The following EXOSC5 variants were observed in gnomAD, a reference collection of about 807,000 sequenced individuals.
EXOSC5 encodes exosome component 5.
EXOSC5 carries 15 observed loss-of-function variants against 23.7 expected under a neutral mutation model. The ratio of observed to expected loss-of-function variants is 0.63; its 90% CI spans 0.42 to 0.97. The LOEUF is 0.97. Among genes scored for constraint, EXOSC5 ranks in the 50% least tolerant of loss-of-function variants. EXOSC5 has a pLI of 0.00. For synonymous variants in EXOSC5, 143 were observed against 140.9 expected (o/e 1.02, Z -0.11); for missense variants, 305 against 316.3 (o/e 0.96, Z 0.27).
intron 5 of EXOSC5, 21 bp downstream of exon 5, chr19:41,387,493 C>A: frequency 6.4e-7 from 1 of 1,566,452 alleles, no homozygotes. Flanking sequence ...CTGGCTTTTC[C>A]CCTCATCCCC....
chr19:41,389,780 T>C lies in EXOSC5; in HGVS notation c.510A>G (p.Thr170=), dbSNP rs753440340. The C allele has an allele frequency of 6.2e-7, 1 of 1,613,612 alleles. No homozygotes were observed. The highest frequency in any genetic ancestry group is 1.6e-4 in the Middle Eastern group (1 of 6,062). ...TCACACCTACCTTTTCTTGCTTGGATGTAGGATCCAGCACGAGGGTCCCAT... is the reference window on the plus strand; with the variant it reads ...TCACACCTACCTTTTCTTGCTTGGACGTAGGATCCAGCACGAGGGTCCCAT... The part of the protein sequence containing the change: ...DSDGTLVLDP[T]SKQEKEARAV... The change falls in exon 4 of 6, where the codon ACA becomes ACG. Residue 170 remains threonine (T), a synonymous_variant. Coordinates refer to ENST00000221233, the MANE Select transcript of EXOSC5 (RefSeq NM_020158.4).
At chr19:41,391,507 A>G in intron 3 of EXOSC5, 1 of 252,694 alleles carries the variant, frequency 4.0e-6, no homozygotes, top group South Asian at 1.4e-4. Context: ...TCTGGGCCTC[A>G]GTTTTGTCAC....
chr19:41,396,847 G>GA (rs1379865543), intron 1 of EXOSC5, among the ~76,000 whole-genome samples: 1 of 147,152 alleles, frequency 6.8e-6, no homozygotes, highest in Non-Finnish European at 1.5e-5. Flanking sequence ...TGTGTGGGGG[G>GA]TGGGGGTGGG....
rs1241453118 is a variant in EXOSC5 at position 41,392,912 on chromosome 19, T to C, written c.217A>G (p.Lys73Glu). 6 of 1,613,704 alleles carry C rather than the reference T, an allele frequency of 3.7e-6. No homozygotes were observed. Among genetic ancestry groups the C allele is most frequent in the Non-Finnish European group, 5.1e-6 (6 of 1,179,996 alleles). Reference protein sequence around the residue: ...EVKVSKEIFNKATLEVILRPK... With the variant: ...EVKVSKEIFNEATLEVILRPK... ...CTCAGGATCACTTCGAGTGTGGCCTTGTTGAAAATCTCTTTGCTGACCTTC... is the reference window on the plus strand; with the variant it reads ...CTCAGGATCACTTCGAGTGTGGCCTCGTTGAAAATCTCTTTGCTGACCTTC... The change falls in exon 2 of 6, where the codon AAG becomes GAG. Residue 73 changes from lysine (K) to glutamate (E), a missense_variant. Coordinates refer to ENST00000221233, the MANE Select transcript of EXOSC5 (RefSeq NM_020158.4).
At chr19:41,396,540 T>G (rs1031645316) in intron 1 of EXOSC5, among the ~76,000 whole-genome samples, 1 of 152,028 alleles carries the variant, frequency 6.6e-6, no homozygotes, top group African/African-American at 2.4e-5. Flanking sequence ...AGAAATATTC[T>G]TGGAGTTAAT....
chr19:41,387,784 C>T (rs979248922), intron 4 of EXOSC5, among the ~76,000 whole-genome samples, 181 bp from the exon 5 acceptor site: 2 of 135,208 alleles, frequency 1.5e-5, no homozygotes, highest in Admixed American at 1.5e-4. Context: ...GAGGGAGACC[C>T]CATCTCAGAA....
At chr19:41,391,533 A>G (rs2123223191) in intron 3 of EXOSC5, 1 of 308,120 alleles carries the variant, frequency 3.2e-6, no homozygotes, top group South Asian at 1.1e-4. Flanking sequence ...ACATGCGAAC[A>G]TAAGAACACT....
chr19:41,397,106 G>C (rs2123230454), intron 1 of EXOSC5, 75 bp downstream of exon 1: 1 of 1,506,894 alleles, frequency 6.6e-7, no homozygotes, highest in Non-Finnish European at 9.0e-7. Context: ...AGCTGGTATC[G>C]TGAGGAGGTG....
intron 4 of EXOSC5, among the ~76,000 whole-genome samples, chr19:41,388,376 C>T (rs892259036): frequency 1.3e-5 from 2 of 152,230 alleles, no homozygotes; most frequent in Non-Finnish European, 2.9e-5. Flanking sequence ...GGAAGAAAAG[C>T]AGCACCCTGG....
chr19:41,391,819 G>A, intron 3 of EXOSC5, 22 bp downstream of exon 3: 1 of 1,490,590 alleles, frequency 6.7e-7, no homozygotes, highest in African/African-American at 1.5e-5. Flanking sequence ...TCCTGGAGGA[G>A]GAGGCCTGGC....
chr19:41,391,469 T>C (rs1247699859), intron 3 of EXOSC5: 1 of 203,578 alleles, frequency 4.9e-6, no homozygotes, highest in African/African-American at 2.3e-5. Flanking sequence ...CTTCCAGCTG[T>C]GTGACCTTGG....
Position 41,391,846 on chromosome 19 carries a change from C to G in EXOSC5, c.379G>C (p.Gly127Arg), listed in dbSNP as rs201990827. Residue 127 changes from glycine to arginine, a missense_variant, in exon 3 of 6, where the codon GGC becomes CGC. By Grantham distance (125) the Gly-to-Arg change is moderately radical. Coordinates refer to ENST00000221233, the MANE Select transcript of EXOSC5 (RefSeq NM_020158.4). ...AGGCCTGGCAGAAAGGATACAGAGCCGGCATCGCTGACAACCTGCAGCACC... is the reference window on the plus strand; with the variant it reads ...AGGCCTGGCAGAAAGGATACAGAGCGGGCATCGCTGACAACCTGCAGCACC... Reference protein sequence around the residue: ...TVVLQVVSDAGSLLACCLNAA... With the variant: ...TVVLQVVSDARSLLACCLNAA... The G allele has an allele frequency of 5.8e-5, 88 of 1,519,012 alleles. No homozygotes were observed. Among genetic ancestry groups the G allele is most frequent in the Non-Finnish European group, 7.4e-5 (85 of 1,141,662 alleles). 94.1% of individuals were successfully genotyped at this position (1,519,012 alleles called of 1,614,324 possible). A position where few individuals can be genotyped will look rare whatever the true frequency, so the allele number is the denominator to read the frequency against.
At position 41,386,510 on chromosome 19, in the gene EXOSC5, TAC is replaced by T; in HGVS notation, c.*121_*122del. 2 of 924,350 alleles carry T rather than the reference TAC, an allele frequency of 2.2e-6. No homozygotes were observed. Among genetic ancestry groups the T allele is most frequent in the Non-Finnish European group, 3.2e-6 (2 of 620,306 alleles). 57.3% of individuals were successfully genotyped at this position (924,350 alleles called of 1,614,324 possible). A position where few individuals can be genotyped will look rare whatever the true frequency, so the allele number is the denominator to read the frequency against. On this transcript the variant is annotated 3_prime_UTR_variant, in exon 6 of 6. Coordinates refer to ENST00000221233, the MANE Select transcript of EXOSC5 (RefSeq NM_020158.4). The stretch of plus-strand genomic sequence containing the variant: ...GGCCTCCCCACAGGAGCCCTGTGGT[TAC>T]AGAGCTGCAGGCTCAAGGAGCCCAT...
At chr19:41,392,107 G>A in intron 2 of EXOSC5, 145 bp from the exon 3 acceptor site, 1 of 1,252,160 alleles carries the variant, frequency 8.0e-7, no homozygotes, top group African/African-American at 1.6e-5. Flanking sequence ...AGATTCCAGT[G>A]GGAAGAAGGC....
intron 4 of EXOSC5, among the ~76,000 whole-genome samples, chr19:41,388,709 G>A (rs1055619608): frequency 6.6e-6 from 1 of 152,124 alleles, no homozygotes; most frequent in Admixed American, 6.6e-5. Context: ...TGACTAGAGG[G>A]GACCATTATA....
rs78061140 is a variant in EXOSC5, at chr19:41,390,423, G to A, written c.385-518C>T. Among the ~76,000 whole-genome samples the A allele has an allele frequency of 2.6e-3, 390 of 152,350 alleles. 4 individuals are homozygous for A. Among genetic ancestry groups the A allele is most frequent in the Middle Eastern group, 6.8e-3 (2 of 294 alleles). On this transcript the variant is annotated intron_variant, in intron 3 of 5. Transcript: ENST00000221233. Reference sequence around the variant, plus strand: ...TGCTCAGCTGTGTGACCTTGAACAAGTGACTTACTCCTTGAGTCTCAATCT... The same window carrying A: ...TGCTCAGCTGTGTGACCTTGAACAAATGACTTACTCCTTGAGTCTCAATCT...
chr19:41,387,240 T>C (rs994987934), intron 5 of EXOSC5, among the ~76,000 whole-genome samples: 3 of 152,196 alleles, frequency 2.0e-5, no homozygotes, highest in African/African-American at 7.2e-5. Flanking sequence ...TTCCCATGGC[T>C]CACCACTCTG....
intron 1 of EXOSC5, among the ~76,000 whole-genome samples, chr19:41,395,541 A>G (rs1389378715): frequency 6.6e-6 from 1 of 152,116 alleles, no homozygotes; most frequent in Non-Finnish European, 1.5e-5. Flanking sequence ...GCAGCTCAAC[A>G]TCGTCACCAC....
At chr19:41,389,009 G>A (rs888913312) in intron 4 of EXOSC5, among the ~76,000 whole-genome samples, 4 of 152,288 alleles carry the variant, frequency 2.6e-5, no homozygotes, top group African/African-American at 2.4e-5. Context: ...GAAGTGGTGC[G>A]ATCTCAGCTC....
Sources: allele counts gnomAD v4.1 joint callset (sites outside exome capture counted in the v4.1 genomes callset), GRCh38; gene constraint gnomAD v4.1.1; transcripts MANE v1.5; gene names NCBI Gene and HGNC (gene_info 2026-07-23, HGNC 2026-07-21).